HAUS6: variants seen among roughly 807,000 people sequenced by gnomAD.
The protein encoded by HAUS6 is HAUS augmin-like complex subunit 6.
HAUS6 carries 80 observed loss-of-function variants against 106.8 expected under a neutral mutation model. The observed-to-expected ratio is 0.75, with a 90% confidence interval of 0.63 to 0.90. HAUS6 has a LOEUF of 0.90. Among genes scored for constraint, HAUS6 ranks in the 40% least tolerant of loss-of-function variants. HAUS6 has a pLI of 0.00. For missense variants in HAUS6, 1,155 were observed against 1,118.1 expected, an observed-to-expected ratio of 1.03 and a Z score of -0.47; for synonymous variants, 356 against 379.1, an observed-to-expected ratio of 0.94 and a Z score of 0.71.
intron 5 of HAUS6, among the ~76,000 whole-genome samples, chr9:19,087,548 G>A (rs971680686): frequency 1.3e-5 from 2 of 152,120 alleles, no homozygotes; most frequent in African/African-American, 4.8e-5. Flanking sequence ...TACTGTAACT[G>A]TTTACAATTG....
rs1418229899 is a variant in HAUS6, at chr9:19,055,263, A to G, written c.*1080T>C. 6.6e-6 allele frequency: 1 copy of G among 152,186 alleles called. No homozygotes were observed. The highest frequency in any genetic ancestry group is 1.9e-4 in the East Asian group (1 of 5,194). The allele number at this position is 152,186 out of a possible 1,614,324, so 9.4% of individuals were successfully genotyped here. A position where few individuals can be genotyped will look rare whatever the true frequency, so the allele number is the denominator to read the frequency against. On this transcript the variant is annotated 3_prime_UTR_variant, in exon 17 of 17. Coordinates refer to ENST00000380502, the MANE Select transcript of HAUS6 (RefSeq NM_017645.5). ...GTCTACAAAGGGTATTGTAGGTACTATCACCCTTCCATTGCCTGTTCCATT... is the reference window on the plus strand; with the variant it reads ...GTCTACAAAGGGTATTGTAGGTACTGTCACCCTTCCATTGCCTGTTCCATT...
rs2131125607 is a variant in HAUS6 at position 19,076,613 on chromosome 9, G to A, written c.1283C>T (p.Ala428Val). The change falls in exon 11 of 17, where the codon GCT becomes GTT. Residue 428 changes from alanine (A) to valine (V), a missense_variant. This residue lies in a region of HAUS6 where 761 missense variants were observed against 690.0 expected (regional missense o/e 1.10). Coordinates refer to ENST00000380502, the MANE Select transcript of HAUS6 (RefSeq NM_017645.5). Reference protein sequence around the residue: ...YAKSILCQYPASLPDAHKQHN... With the variant: ...YAKSILCQYPVSLPDAHKQHN... The stretch of plus-strand genomic sequence containing the variant: ...AATAAATAACCAACCTGGAAGTGAA[G>A]CAGGATACTGACAAAGAATACTCTT... 2.0e-6 allele frequency: 3 copies of A among 1,533,738 alleles called. No homozygotes were observed. The highest frequency in any genetic ancestry group is 1.4e-5 in the African/African-American group (1 of 73,498).
At chr9:19,076,506 G>A (rs1008540276) in intron 11 of HAUS6, 96 bp downstream of exon 11, 4 of 705,752 alleles carry the variant, frequency 5.7e-6, no homozygotes, top group African/African-American at 5.5e-5. Context: ...AAAAAAAATG[G>A]AGGAAAAAGA....
At chr9:19,056,985 CTT>C (rs1836487793) in intron 16 of HAUS6, 1 of 152,200 alleles carries the variant, frequency 6.6e-6, no homozygotes, top group African/African-American at 2.4e-5. Flanking sequence ...CCTTATCTCT[CTT>C]AATGAGCTAC....
chr9:19,100,485 G>C (rs147983540), intron 1 of HAUS6, among the ~76,000 whole-genome samples: 141 of 152,326 alleles, frequency 9.3e-4, no homozygotes, highest in African/African-American at 3.3e-3. Context: ...TTTGTTGGTG[G>C]AATGTAAAGT....
At chr9:19,102,493 T>C (rs768973885) in intron 1 of HAUS6, 31 bp downstream of exon 1, 5 of 1,607,514 alleles carry the variant, frequency 3.1e-6, no homozygotes, top group Middle Eastern at 1.7e-4. Flanking sequence ...CGGTTCAGGC[T>C]CCCTCGCCCC....
At chr9:19,077,390 C>G (rs1171334739) in intron 10 of HAUS6, among the ~76,000 whole-genome samples, 1 of 152,130 alleles carries the variant, frequency 6.6e-6, no homozygotes, top group African/African-American at 2.4e-5. Context: ...GAAAAATTAG[C>G]CGAGCGTGGT....
chr9:19,069,792 AT>A (rs1002118604), intron 12 of HAUS6, among the ~76,000 whole-genome samples: 2 of 151,968 alleles, frequency 1.3e-5, no homozygotes, highest in African/African-American at 4.8e-5. Flanking sequence ...ATATAAAAAA[AT>A]CAATATAAAA....
At chr9:19,096,290 C>T (rs894115496) in intron 2 of HAUS6, among the ~76,000 whole-genome samples, 11 of 152,188 alleles carry the variant, frequency 7.2e-5, no homozygotes, top group South Asian at 4.1e-4. Context: ...TTATGCCGGG[C>T]GTGGTGGCTC....
At chr9:19,086,873 C>A in intron 6 of HAUS6, 91 bp from the exon 7 acceptor site, 1 of 660,858 alleles carries the variant, frequency 1.5e-6, no homozygotes, top group Non-Finnish European at 2.7e-6. Flanking sequence ...AATCAACCCA[C>A]CAACAACCAC....
At chr9:19,088,387 G>A (rs945638315) in intron 5 of HAUS6, among the ~76,000 whole-genome samples, 5 of 148,930 alleles carry the variant, frequency 3.4e-5, no homozygotes, top group African/African-American at 1.2e-4. Flanking sequence ...CTGCGCTCCA[G>A]CCAGGGCAAC....
intron 4 of HAUS6, among the ~76,000 whole-genome samples, chr9:19,090,916 C>G (rs886904490): frequency 6.6e-6 from 1 of 152,092 alleles, no homozygotes; most frequent in South Asian, 2.1e-4. Flanking sequence ...TAACATGGTT[C>G]AATACAACAA....
At chr9:19,095,735 C>T (rs1817847664) in intron 2 of HAUS6, among the ~76,000 whole-genome samples, 1 of 152,034 alleles carries the variant, frequency 6.6e-6, no homozygotes, top group Non-Finnish European at 1.5e-5. Context: ...ATATAAATAT[C>T]AAAATAAATT....
chr9:19,097,767 T>G (rs1229315050), intron 1 of HAUS6, among the ~76,000 whole-genome samples: 1 of 138,074 alleles, frequency 7.2e-6, no homozygotes, highest in Non-Finnish European at 1.6e-5. Flanking sequence ...AAACAAAGCC[T>G]AAAAAAAAAA....
chr9:19,081,116 A>G (rs1233533642), intron 8 of HAUS6, among the ~76,000 whole-genome samples: 5 of 151,940 alleles, frequency 3.3e-5, no homozygotes, highest in African/African-American at 1.2e-4. Flanking sequence ...AAAATCAAAT[A>G]CCCCCAAACA....
chr9:19,088,172 T>C (rs916742997), intron 5 of HAUS6, among the ~76,000 whole-genome samples: 1 of 152,188 alleles, frequency 6.6e-6, no homozygotes, highest in African/African-American at 2.4e-5. Context: ...CCCAGCACTT[T>C]GGGAGGCTGA....
chr9:19,071,547 T>A (rs1836881063), intron 11 of HAUS6, among the ~76,000 whole-genome samples: 1 of 150,696 alleles, frequency 6.6e-6, no homozygotes, highest in Non-Finnish European at 1.5e-5. Flanking sequence ...CCAGTGAACC[T>A]GCATAATACA....
At chr9:19,079,647 T>TA (rs1196205563) in intron 9 of HAUS6, among the ~76,000 whole-genome samples, 1 of 151,890 alleles carries the variant, frequency 6.6e-6, no homozygotes, top group African/African-American at 2.4e-5. Context: ...TTCTGGTTAA[T>TA]AAAAAAACTG....
intron 1 of HAUS6, among the ~76,000 whole-genome samples, chr9:19,099,017 CA>C (rs377024544): frequency 0.69 from 62,455 of 90,342 alleles, 18,519 homozygotes; most frequent in Middle Eastern, 0.76. Flanking sequence ...AACTCCATCT[CA>C]AAAAAAAAAA....
Sources: gnomAD v4.1 joint callset for allele counts (sites outside exome capture counted in the v4.1 genomes callset) on GRCh38, gnomAD v4.1.1 for gene constraint, gnomAD v4.1.1 regional missense constraint, MANE v1.5 for transcripts, NCBI Gene and HGNC (gene_info 2026-07-23, HGNC 2026-07-21) for gene names.